WIPI2: variants seen among roughly 807,000 people sequenced by gnomAD.
The protein encoded by WIPI2 is WD repeat domain phosphoinositide-interacting protein 2.
In WIPI2, 28 loss-of-function variants were observed where a neutral mutation model predicts 52.3. That is an observed-to-expected ratio of 0.54 (90% CI 0.40 to 0.73). The LOEUF (loss-of-function observed/expected upper bound fraction) is 0.73. WIPI2 is among the 30% of genes least tolerant of loss of function. The pLI, the probability that WIPI2 is intolerant of heterozygous loss-of-function variation, is 0.00. For synonymous variants in WIPI2, 268 were observed against 245.0 expected (o/e 1.09, Z -0.88); for missense variants, 506 against 602.9 (o/e 0.84, Z 1.68).
Position 5,222,665 on chromosome 7 carries a change from G to A in WIPI2, c.733G>A (p.Val245Ile). Residue 245 changes from valine to isoleucine, a missense_variant, in exon 8 of 13, where the codon GTA (valine) becomes ATA (isoleucine). Coordinates refer to ENST00000288828, the MANE Select transcript of WIPI2 (RefSeq NM_015610.4). ...AAAACTCTTTGAGTTTCGGAGAGGA[G>A]TAAAGAGGTAAAGTACGTGAATGTC... Reference protein sequence around the residue: ...GQKLFEFRRGVKRCVSICSLA... With the variant: ...GQKLFEFRRGIKRCVSICSLA... 1 of 1,613,796 alleles carries A rather than the reference G, an allele frequency of 6.2e-7. No homozygotes were observed. The highest frequency in any genetic ancestry group is 8.5e-7 in the Non-Finnish European group (1 of 1,179,748).
At chr7:5,213,170 G>A (rs76950470) in intron 3 of WIPI2, 12,447 of 152,100 alleles carry the variant, frequency 0.082, 691 homozygotes, top group Middle Eastern at 0.13. Context: ...TGCAGACAGA[G>A]CCTGTCCTCC....
At chr7:5,225,118 G>T (rs1783359409) in intron 8 of WIPI2, among the ~76,000 whole-genome samples, 1 of 151,696 alleles carries the variant, frequency 6.6e-6, no homozygotes. Flanking sequence ...CACTTTCCCT[G>T]TTGAAAGTTT....
chr7:5,216,544 C>G lies in WIPI2; in HGVS notation c.382-19C>G. On this transcript the variant is annotated intron_variant, in intron 4 of 12. Coordinates refer to ENST00000288828, the MANE Select transcript of WIPI2 (RefSeq NM_015610.4). ...CTGGCCGTTGCTTCACGTTTGGTTTCGTTTTGTCTCTCGCCTAGAGGCTGA... is the reference window on the plus strand; with the variant it reads ...CTGGCCGTTGCTTCACGTTTGGTTTGGTTTTGTCTCTCGCCTAGAGGCTGA... The G allele has an allele frequency of 1.2e-6, 2 of 1,612,384 alleles. No individual in the cohort carries two copies. Among genetic ancestry groups the G allele is most frequent in the Non-Finnish European group, 1.7e-6 (2 of 1,178,546 alleles).
intron 3 of WIPI2, among the ~76,000 whole-genome samples, chr7:5,208,418 G>GT (rs758305932): frequency 8.5e-5 from 2 of 23,434 alleles, no homozygotes; most frequent in Non-Finnish European, 1.5e-4. Flanking sequence ...TCATATTTAT[G>GT]TTGTTTTTTT....
intron 3 of WIPI2, among the ~76,000 whole-genome samples, chr7:5,210,497 T>G (rs576177764): frequency 4.0e-4 from 61 of 152,330 alleles, no homozygotes; most frequent in African/African-American, 1.4e-3. Context: ...TTTGGCAGTT[T>G]CGGTGCCACA....
intron 5 of WIPI2, chr7:5,216,883 C>A: frequency 1.4e-6 from 1 of 701,460 alleles, no homozygotes; most frequent in Non-Finnish European, 2.3e-6. Flanking sequence ...CAGTTCAAAC[C>A]AAAGGCCTTT....
chr7:5,193,891 A>G lies in WIPI2; in HGVS notation c.128+720A>G, dbSNP rs1052582218. 1.1e-4 allele frequency among the ~76,000 whole-genome samples: 17 copies of G among 152,274 alleles called. No individual in the cohort carries two copies. The East Asian group carries it at 2.9e-3, about 26-fold the overall frequency. ...TGTGCCCGGCCTGAAGATGGTTTCT[A>G]AGATCCTTCACCCTTAAAGTTTTAA... On this transcript the variant is annotated intron_variant, in intron 2 of 12. Transcript: ENST00000288828.
intron 7 of WIPI2, among the ~76,000 whole-genome samples, chr7:5,221,962 TTTTC>T (rs1248746099): frequency 1.5e-3 from 164 of 106,262 alleles, no homozygotes; most frequent in African/African-American, 4.8e-3. Context: ...TTTTTTTTTT[TTTTC>T]CCCCCCCGAG....
rs1783586412 is a variant in WIPI2 at position 5,229,047 on chromosome 7, ACT to A, written c.1122-558_1122-557del. 2.0e-5 allele frequency among the ~76,000 whole-genome samples: 3 copies of A among 147,016 alleles called. No homozygotes were observed. In the South Asian group the frequency reaches 6.5e-4, roughly 32 times the overall value. ...GTGTGTGTGTGTGAAATGGAGTCTC[ACT>A]CTGTCACCCAGGCTGGAGTACAGTG... On this transcript the variant is annotated intron_variant, in intron 11 of 12. Transcript: ENST00000288828.
intron 2 of WIPI2, among the ~76,000 whole-genome samples, chr7:5,195,224 C>A (rs551380087): frequency 2.0e-5 from 3 of 152,204 alleles, no homozygotes; most frequent in Non-Finnish European, 1.5e-5. Context: ...CAGTGGCTCA[C>A]GCCTGTAATC....
At chr7:5,198,091 A>G (rs1303103195) in intron 2 of WIPI2, among the ~76,000 whole-genome samples, 2 of 152,172 alleles carry the variant, frequency 1.3e-5, no homozygotes, top group Non-Finnish European at 2.9e-5. Context: ...ACGCAAGGCC[A>G]TGAAACCAAT....
Position 5,231,976 on chromosome 7 carries a change from C to G in WIPI2, c.*1029C>G, listed in dbSNP as rs1783742666. ...TTCTATTTTCATCTTAGAAAATTTC[C>G]TCAGCAAACCGATGAGAGATTGTGG... is the stretch of plus-strand genomic sequence containing the variant. On this transcript the variant is annotated 3_prime_UTR_variant, in exon 13 of 13. Transcript: ENST00000288828. 1 of 390,930 alleles carries G rather than the reference C, an allele frequency of 2.6e-6. No individual in the cohort carries two copies. Among genetic ancestry groups the G allele is most frequent in the Non-Finnish European group, 4.5e-6 (1 of 221,374 alleles). The allele number at this position is 390,930 out of a possible 1,614,324, so 24.2% of individuals were successfully genotyped here. A position where few individuals can be genotyped will look rare whatever the true frequency, so the allele number is the denominator to read the frequency against.
chr7:5,229,957 A>C, intron 12 of WIPI2, among the ~76,000 whole-genome samples: 1 of 139,382 alleles, frequency 7.2e-6, no homozygotes. Context: ...TAAAGGAGAG[A>C]TGGGGTTTCC....
chr7:5,191,832 G>A (rs1238498364), intron 1 of WIPI2, among the ~76,000 whole-genome samples: 1 of 152,170 alleles, frequency 6.6e-6, no homozygotes, highest in Non-Finnish European at 1.5e-5. Flanking sequence ...TGTACAGCAG[G>A]CACTCAATAG....
At chr7:5,229,159 G>C (rs1783592946) in intron 11 of WIPI2, among the ~76,000 whole-genome samples, 1 of 152,222 alleles carries the variant, frequency 6.6e-6, no homozygotes, top group South Asian at 2.1e-4. Context: ...GGGATGACAG[G>C]TGCATGCCAC....
intron 7 of WIPI2, among the ~76,000 whole-genome samples, chr7:5,221,548 T>A (rs745564752): frequency 3.9e-5 from 6 of 152,238 alleles, no homozygotes; most frequent in Non-Finnish European, 5.9e-5. Flanking sequence ...TACCGTTATA[T>A]CACTTGATAG....
intron 3 of WIPI2, among the ~76,000 whole-genome samples, chr7:5,211,149 G>T (rs1054509676): frequency 6.6e-6 from 1 of 152,196 alleles, no homozygotes; most frequent in Admixed American, 6.5e-5. Flanking sequence ...TGTGACCTCA[G>T]CCAGGAACAT....
chr7:5,227,411 G>C lies in WIPI2; in HGVS notation c.1013+67G>C, dbSNP rs1428029938. On this transcript the variant is annotated intron_variant, in intron 10 of 12. Transcript: ENST00000288828. The surrounding 1 kb of genome is among the most constrained non-coding windows in gnomAD (Gnocchi z 8.1). Reference sequence around the variant, plus strand: ...CAGGCCGAGGGGCCCAGTCCTGGCGGCTTGTGGCCCCTTCCGTGCTTCTGA... The same window carrying C: ...CAGGCCGAGGGGCCCAGTCCTGGCGCCTTGTGGCCCCTTCCGTGCTTCTGA... 5.7e-6 allele frequency: 9 copies of C among 1,571,644 alleles called. No individual in the cohort carries two copies. The East Asian group carries it at 2.0e-4, about 35-fold the overall frequency.
intron 3 of WIPI2, among the ~76,000 whole-genome samples, chr7:5,208,900 G>A (rs769844371): frequency 1.3e-5 from 2 of 152,088 alleles, no homozygotes; most frequent in Non-Finnish European, 2.9e-5. Flanking sequence ...GGATGGGATT[G>A]GACCTAGAGA....
Sources: gnomAD v4.1 joint callset for allele counts (sites outside exome capture counted in the v4.1 genomes callset) on GRCh38, gnomAD v4.1.1 for gene constraint, Gnocchi (gnomAD v3.1) non-coding constraint, MANE v1.5 for transcripts, NCBI Gene and HGNC (gene_info 2026-07-23, HGNC 2026-07-21) for gene names.